Variants in CDC27 observed in about 807,000 individuals in gnomAD.
CDC27 encodes the protein cell division cycle protein 27 homolog.
In CDC27, 27 loss-of-function variants were observed where a neutral mutation model predicts 109.7. The observed-to-expected ratio is 0.25, with a 90% CI of 0.18 to 0.34. CDC27 has a LOEUF of 0.34. CDC27 is among the 10% of genes least tolerant of loss of function. The pLI, the probability that CDC27 is intolerant of heterozygous loss-of-function variation, is 1.00. For synonymous variants in CDC27, 266 were observed against 333.9 expected (o/e 0.80, Z 2.22); for missense variants, 579 against 960.2 (o/e 0.60, Z 5.25).
chr17:47,124,949 A>C (rs1017105397), intron 16 of CDC27, among the ~76,000 whole-genome samples: 3 of 151,956 alleles, frequency 2.0e-5, no homozygotes, highest in African/African-American at 7.3e-5. Context: ...ATGGACTCTC[A>C]TTCTGTCACC....
rs2061907422 is a variant in CDC27, at chr17:47,117,743, A to G, written c.*3192T>C. 1 of 152,204 alleles carries G rather than the reference A, an allele frequency of 6.6e-6. No homozygotes were observed. The highest frequency in any genetic ancestry group is 2.4e-5 in the African/African-American group (1 of 41,458). 9.4% of individuals were successfully genotyped at this position (152,204 alleles called of 1,614,324 possible). A position where few individuals can be genotyped will look rare whatever the true frequency, so the allele number is the denominator to read the frequency against. On this transcript the variant is annotated 3_prime_UTR_variant, in exon 19 of 19. Coordinates refer to ENST00000066544, the MANE Select transcript of CDC27 (RefSeq NM_001256.6). ...TATTTATTTTGATATTCCAAATAATACTAAAAAAGAGTATGACCGTTTAAA... is the reference window on the plus strand; with the variant it reads ...TATTTATTTTGATATTCCAAATAATGCTAAAAAAGAGTATGACCGTTTAAA...
At chr17:47,126,189 A>C (rs2062134521) in intron 16 of CDC27, among the ~76,000 whole-genome samples, 1 of 152,228 alleles carries the variant, frequency 6.6e-6, no homozygotes, top group South Asian at 2.1e-4. Context: ...AAATCTCAGA[A>C]GCAATCATTA....
chr17:47,159,430 T>C (rs1380054478), intron 4 of CDC27: 8 of 940,956 alleles, frequency 8.5e-6, no homozygotes, highest in Non-Finnish European at 1.2e-5. Context: ...CCAGTCATCA[T>C]GAGCAGCTTC....
chr17:47,121,205 T>A (rs1277322218), intron 18 of CDC27, among the ~76,000 whole-genome samples, 188 bp from the exon 19 acceptor site: 2 of 152,158 alleles, frequency 1.3e-5, no homozygotes, highest in Non-Finnish European at 2.9e-5. Context: ...GGTCTGATAT[T>A]AGCTTACTGC....
intron 14 of CDC27, among the ~76,000 whole-genome samples, chr17:47,133,225 A>G (rs1418717454): frequency 6.9e-6 from 1 of 144,400 alleles, no homozygotes; most frequent in Non-Finnish European, 1.5e-5. Flanking sequence ...CACAACCTCC[A>G]CCCACAGGTT....
At chr17:47,157,823 T>C (rs2063364241) in intron 5 of CDC27, among the ~76,000 whole-genome samples, 1 of 152,212 alleles carries the variant, frequency 6.6e-6, no homozygotes, top group African/African-American at 2.4e-5. Flanking sequence ...CCAAATATAC[T>C]GAGAAATTCT....
intron 1 of CDC27, among the ~76,000 whole-genome samples, chr17:47,182,398 GA>G (rs1465522876): frequency 6.6e-6 from 1 of 152,104 alleles, no homozygotes; most frequent in Non-Finnish European, 1.5e-5. Flanking sequence ...CCCAGCTTAA[GA>G]AATAAAATAT....
chr17:47,122,322 TA>T, intron 18 of CDC27, 121 bp downstream of exon 18: 2 of 621,196 alleles, frequency 3.2e-6, no homozygotes, highest in Non-Finnish European at 5.2e-6. Flanking sequence ...TCAATTTCCC[TA>T]AAAGTCCATT....
chr17:47,157,360 G>A lies in CDC27; in HGVS notation c.500C>T (p.Thr167Ile), dbSNP rs771819554. ...GTTCTGTAAAGATGTGAATTTAAAT[G>A]TTTGGTCAGGATCTGGCTTTTCACC... Reference protein sequence around the residue: ...EIGEKPDPDQTFKFTSLQNFS... With the variant: ...EIGEKPDPDQIFKFTSLQNFS... Residue 167 changes from threonine (T) to isoleucine (I), a missense_variant, in exon 6 of 19, where the codon ACA becomes ATA. Transcript: ENST00000066544. The A allele has an allele frequency of 3.7e-6, 6 of 1,607,934 alleles. No individual in the cohort carries two copies. Among genetic ancestry groups the A allele is most frequent in the Non-Finnish European group, 4.2e-6 (5 of 1,177,194 alleles).
intron 14 of CDC27, among the ~76,000 whole-genome samples, chr17:47,135,945 C>T (rs909358366): frequency 6.6e-6 from 1 of 152,090 alleles, no homozygotes; most frequent in African/African-American, 2.4e-5. Context: ...TTGAGACCAT[C>T]CTGGCTAACA....
chr17:47,133,895 T>G (rs768837458), intron 14 of CDC27, among the ~76,000 whole-genome samples: 1 of 152,008 alleles, frequency 6.6e-6, no homozygotes, highest in Non-Finnish European at 1.5e-5. Context: ...ATTACAGGCA[T>G]GTGTCACCAC....
intron 4 of CDC27, among the ~76,000 whole-genome samples, chr17:47,158,775 T>C (rs1201068240): frequency 6.6e-6 from 1 of 152,126 alleles, no homozygotes; most frequent in Non-Finnish European, 1.5e-5. Context: ...CGCACCACCA[T>C]ATCCGGCTAA....
chr17:47,135,757 T>C (rs1483690719), intron 14 of CDC27, among the ~76,000 whole-genome samples: 2 of 151,674 alleles, frequency 1.3e-5, no homozygotes, highest in African/African-American at 4.8e-5. Flanking sequence ...TCCTGCAAAA[T>C]AGCTGAACAG....
rs1362664577 is a variant in CDC27, at chr17:47,172,013, C to T, written c.155G>A (p.Gly52Glu). Residue 52 changes from glycine (G) to glutamate (E), a missense_variant, in exon 3 of 19, where the codon GGA becomes GAA. This residue lies in a region of CDC27 where 44 missense variants were observed against 102.2 expected (regional missense o/e 0.43). Transcript: ENST00000066544. ...FLLATCYYRS[G>E]KAYKAYRLLK... ...GAGTCTATATGCTTTATATGCCTTTCCTGAGCGGTAATAACAGGTTGCCAG... is the reference window on the plus strand; with the variant it reads ...GAGTCTATATGCTTTATATGCCTTTTCTGAGCGGTAATAACAGGTTGCCAG... The T allele has an allele frequency of 6.3e-7, 1 of 1,599,356 alleles. No individual in the cohort carries two copies. The highest frequency in any genetic ancestry group is 8.5e-7 in the Non-Finnish European group (1 of 1,173,570).
chr17:47,131,732 C>G (rs376796794), intron 15 of CDC27, among the ~76,000 whole-genome samples: 1 of 146,706 alleles, frequency 6.8e-6, no homozygotes. Context: ...GCAGTATCAC[C>G]TTCTTAGCTC....
chr17:47,157,013 C>T lies in CDC27; in HGVS notation c.742G>A (p.Gly248Arg). ...AVISPDTVPLGTGTSILSKQV... is the reference protein window; with the variant it reads ...AVISPDTVPLRTGTSILSKQV... ...TTAGATAATATGGAAGTTCCTGTTCCCAGTGGGACAGTATCAGGTGAAATT... is the reference window on the plus strand; with the variant it reads ...TTAGATAATATGGAAGTTCCTGTTCTCAGTGGGACAGTATCAGGTGAAATT... Residue 248 changes from glycine to arginine, a missense_variant, in exon 7 of 19, where the codon GGA becomes AGA. Around this residue, in one of 9 missense-constraint regions of CDC27, gnomAD observed 74 missense variants for 148.9 expected, o/e 0.50. Coordinates refer to ENST00000066544, the MANE Select transcript of CDC27 (RefSeq NM_001256.6). 5.1e-6 allele frequency: 8 copies of T among 1,566,176 alleles called. No homozygotes were observed. The highest frequency in any genetic ancestry group is 6.1e-6 in the Non-Finnish European group (7 of 1,141,956).
intron 16 of CDC27, among the ~76,000 whole-genome samples, chr17:47,124,218 C>T (rs1242925946): frequency 1.3e-5 from 2 of 150,938 alleles, no homozygotes; most frequent in African/African-American, 2.4e-5. Flanking sequence ...CACCCCTCTT[C>T]GTGAAATATG....
intron 8 of CDC27, among the ~76,000 whole-genome samples, chr17:47,152,222 A>T (rs545028167): frequency 6.6e-6 from 1 of 152,264 alleles, no homozygotes; most frequent in South Asian, 2.1e-4. Context: ...ACCATCCTCC[A>T]TTTATTACAT....
Position 47,122,360 on chromosome 17 carries a change from AAAAAT to A in CDC27, c.2392+79_2392+83del, listed in dbSNP as rs1385554619. The A allele has an allele frequency of 3.8e-5, 38 of 997,338 alleles. No homozygotes were observed. In the East Asian group the frequency reaches 3.9e-4, roughly 10 times the overall value. 61.8% of individuals were successfully genotyped at this position (997,338 alleles called of 1,614,324 possible). ...GGTATAATGAAAACACCATGGTTAG[AAAAAT>A]AAAATAAAAGAGTAGCCTACAAATC... On this transcript the variant is annotated intron_variant, in intron 18 of 18. Coordinates refer to ENST00000066544, the MANE Select transcript of CDC27 (RefSeq NM_001256.6).
Sources: allele counts gnomAD v4.1 joint callset (sites outside exome capture counted in the v4.1 genomes callset), GRCh38; gene constraint gnomAD v4.1.1; regional missense constraint gnomAD v4.1.1; transcripts MANE v1.5; gene names NCBI Gene and HGNC (gene_info 2026-07-23, HGNC 2026-07-21).